The following CEP70 variants were observed in gnomAD, a reference collection of about 807,000 sequenced individuals.
CEP70 encodes the protein centrosomal protein 70.
In CEP70, 70 loss-of-function variants were observed where a neutral mutation model predicts 90.9. That is an observed-to-expected ratio of 0.77 (90% CI 0.64 to 0.94). CEP70 has a LOEUF of 0.94. CEP70 is among the 40% of genes least tolerant of loss of function. The probability of loss-of-function intolerance (pLI) is 0.00; values close to 1 mark genes in which losing one functional copy is unlikely to be tolerated. For missense variants in CEP70, 648 were observed against 669.0 expected, an observed-to-expected ratio of 0.97 and a Z score of 0.35; for synonymous variants, 220 against 228.3, an observed-to-expected ratio of 0.96 and a Z score of 0.33.
intron 3 of CEP70, among the ~76,000 whole-genome samples, chr3:138,571,576 C>T (rs1236019337): frequency 6.6e-6 from 1 of 152,046 alleles, no homozygotes; most frequent in Non-Finnish European, 1.5e-5. Flanking sequence ...TTGCATTATA[C>T]AGAATACTCA....
rs1026025505 is a variant in CEP70 at position 138,553,978 on chromosome 3, C to A, written c.465+16340G>T. Among the ~76,000 whole-genome samples, 7 of 152,186 alleles carry A rather than the reference C, an allele frequency of 4.6e-5. No individual in the cohort carries two copies. In the South Asian group the frequency reaches 6.2e-4, roughly 14 times the overall value. ...TTGGGAGGCTGAGGTGGGTGGATCACCTGAGGTCAGTAGTTCAAGACTAGC... is the reference window on the plus strand; with the variant it reads ...TTGGGAGGCTGAGGTGGGTGGATCAACTGAGGTCAGTAGTTCAAGACTAGC... On this transcript the variant is annotated intron_variant, in intron 6 of 17. Transcript: ENST00000264982.
At chr3:138,568,512 G>GA (rs1233714628) in intron 6 of CEP70, among the ~76,000 whole-genome samples, 2 of 152,186 alleles carry the variant, frequency 1.3e-5, no homozygotes, top group African/African-American at 4.8e-5. Flanking sequence ...TACAGCTTCT[G>GA]ATGGCTGCTT....
chr3:138,514,927 T>G (rs1169022034), intron 11 of CEP70, among the ~76,000 whole-genome samples: 2 of 152,134 alleles, frequency 1.3e-5, no homozygotes, highest in Non-Finnish European at 2.9e-5. Context: ...AGTTTTAAAC[T>G]TTATTAAAAA....
intron 2 of CEP70, among the ~76,000 whole-genome samples, chr3:138,573,394 A>T (rs1332549284): frequency 6.6e-6 from 1 of 151,822 alleles, no homozygotes; most frequent in African/African-American, 2.4e-5. Flanking sequence ...AAAAAAAAAG[A>T]AAAAAGAAAA....
intron 6 of CEP70, among the ~76,000 whole-genome samples, chr3:138,566,849 A>G (rs1033130732): frequency 2.0e-5 from 3 of 152,080 alleles, no homozygotes; most frequent in South Asian, 2.1e-4. Flanking sequence ...TACTTACCAT[A>G]TGACTCAGGA....
At chr3:138,567,096 CTGAA>C (rs1232757469) in intron 6 of CEP70, among the ~76,000 whole-genome samples, 6 of 152,082 alleles carry the variant, frequency 3.9e-5, no homozygotes, top group African/African-American at 1.4e-4. Flanking sequence ...TGAAATAATG[CTGAA>C]TGAAAAAAAC....
chr3:138,573,087 C>A, intron 2 of CEP70, 155 bp from the exon 3 acceptor site: 1 of 603,334 alleles, frequency 1.7e-6, no homozygotes, highest in Admixed American at 3.0e-5. Context: ...TGCGTCAAAA[C>A]TTTGTGACTT....
At chr3:138,496,622 G>A in intron 17 of CEP70, 3 of 985,250 alleles carry the variant, frequency 3.0e-6, no homozygotes, top group Non-Finnish European at 3.6e-6. Flanking sequence ...AGAATGGATT[G>A]TTTTTTTACT....
intron 8 of CEP70, chr3:138,530,953 C>T: frequency 4.2e-6 from 2 of 472,652 alleles, no homozygotes; most frequent in Non-Finnish European, 5.5e-6. Flanking sequence ...AGGAGAGAGA[C>T]TCTTTTTATT....
chr3:138,545,908 A>C (rs2039157313), intron 6 of CEP70, among the ~76,000 whole-genome samples: 1 of 152,106 alleles, frequency 6.6e-6, no homozygotes, highest in African/African-American at 2.4e-5. Flanking sequence ...CTGTTGTTTA[A>C]GATGTTTATC....
At chr3:138,575,069 T>C (rs577425234) in intron 2 of CEP70, among the ~76,000 whole-genome samples, 6 of 152,154 alleles carry the variant, frequency 3.9e-5, no homozygotes, top group Non-Finnish European at 7.4e-5. Context: ...AGCTCCTCAC[T>C]AGCAACAGAA....
chr3:138,495,079 G>A lies in CEP70; in HGVS notation c.1733-3C>T. 6.5e-7 allele frequency: 1 copy of A among 1,531,800 alleles called. No homozygotes were observed. The highest frequency in any genetic ancestry group is 9.0e-7 in the Non-Finnish European group (1 of 1,108,718). 94.9% of individuals were successfully genotyped at this position (1,531,800 alleles called of 1,614,324 possible). ...AATGGCATCCAAGTCATCAATTTCT[G>A]TAATACAAAAACAGTAATAATAAAA... On this transcript the variant is annotated splice_polypyrimidine_tract_variant and splice_region_variant and intron_variant, in intron 17 of 17. Coordinates refer to ENST00000264982, the MANE Select transcript of CEP70 (RefSeq NM_024491.4).
chr3:138,568,534 T>C (rs1169158879), intron 6 of CEP70, among the ~76,000 whole-genome samples: 1 of 152,148 alleles, frequency 6.6e-6, no homozygotes, highest in African/African-American at 2.4e-5. Flanking sequence ...TTCACACCAA[T>C]AAGTCAATGA....
At chr3:138,538,137 C>T (rs2038444303) in intron 6 of CEP70, among the ~76,000 whole-genome samples, 1 of 152,174 alleles carries the variant, frequency 6.6e-6, no homozygotes, top group South Asian at 2.1e-4. Context: ...ACTGTTCCTG[C>T]CTCAACCCAC....
chr3:138,505,549 A>G (rs1441431830), intron 12 of CEP70, 84 bp from the exon 13 acceptor site: 16 of 759,262 alleles, frequency 2.1e-5, no homozygotes, highest in Middle Eastern at 4.1e-4. Context: ...CTTTATGTCT[A>G]TATATATTAT....
At chr3:138,569,824 C>T (rs1445383148) in intron 6 of CEP70, among the ~76,000 whole-genome samples, 1 of 152,100 alleles carries the variant, frequency 6.6e-6, no homozygotes, top group Admixed American at 6.6e-5. Flanking sequence ...GCTGTGATTG[C>T]GCCACTGCAC....
chr3:138,572,713 A>C (rs2041259159), intron 3 of CEP70, 146 bp downstream of exon 3: 17 of 673,228 alleles, frequency 2.5e-5, no homozygotes. Context: ...TCTTAGAGTA[A>C]TTAAACCATT....
At chr3:138,511,644 C>G (rs2035549718) in intron 11 of CEP70, among the ~76,000 whole-genome samples, 1 of 152,134 alleles carries the variant, frequency 6.6e-6, no homozygotes. Context: ...ATTTCATTAA[C>G]CAGATGAATA....
intron 11 of CEP70, among the ~76,000 whole-genome samples, chr3:138,517,477 TA>T (rs969532001): frequency 2.0e-5 from 3 of 152,030 alleles, no homozygotes; most frequent in African/African-American, 7.2e-5. Flanking sequence ...ACACAGTGGC[TA>T]ACACAGTGAA....
Sources: allele counts gnomAD v4.1 joint callset (sites outside exome capture counted in the v4.1 genomes callset), GRCh38; gene constraint gnomAD v4.1.1; transcripts MANE v1.5; gene names NCBI Gene and HGNC (gene_info 2026-07-23, HGNC 2026-07-21).